Variants in JCAD observed in about 807,000 individuals in gnomAD.
JCAD encodes junctional cadherin 5 associated, also known as junctional cadherin 5-associated protein.
Under a neutral mutation model 98.0 loss-of-function variants are expected in JCAD, and 40 were observed. The observed-to-expected ratio is 0.41, with a 90% CI of 0.32 to 0.53. The LOEUF is 0.53. Among genes scored for constraint, JCAD ranks in the 20% least tolerant of loss-of-function variants. The pLI is 0.31. For synonymous variants in JCAD, 691 were observed against 682.3 expected, an observed-to-expected ratio of 1.01 and a Z score of -0.20; for missense variants, 1,705 against 1,738.1, an observed-to-expected ratio of 0.98 and a Z score of 0.34.
intron 1 of JCAD, among the ~76,000 whole-genome samples, chr10:30,107,568 G>C (rs1027149153): frequency 1.3e-5 from 2 of 152,164 alleles, no homozygotes; most frequent in African/African-American, 2.4e-5. Flanking sequence ...AAGAGGTAAC[G>C]ATAAGTACAA....
chr10:30,069,606 C>T (rs1490145258), intron 2 of JCAD: 1 of 129,640 alleles, frequency 7.7e-6, no homozygotes, highest in Non-Finnish European at 1.6e-5. Context: ...CAACAACCCC[C>T]CCCCCCAAAA....
intron 1 of JCAD, among the ~76,000 whole-genome samples, chr10:30,094,554 C>G (rs867913569): frequency 6.6e-6 from 1 of 152,158 alleles, no homozygotes; most frequent in African/African-American, 2.4e-5. Flanking sequence ...TCCCAGGTGC[C>G]GTGGGGCTGC....
intron 1 of JCAD, among the ~76,000 whole-genome samples, chr10:30,104,535 A>G (rs958980858): frequency 6.6e-6 from 1 of 152,222 alleles, no homozygotes; most frequent in African/African-American, 2.4e-5. Flanking sequence ...GCTCGTGGAC[A>G]TAAACATAGG....
chr10:30,106,722 A>G (rs1181310233), intron 1 of JCAD, among the ~76,000 whole-genome samples: 4 of 152,088 alleles, frequency 2.6e-5, no homozygotes, highest in African/African-American at 9.7e-5. Flanking sequence ...GCTGGTCTTG[A>G]ACTCCTGACC....
At chr10:30,066,281 C>T (rs1246640148) in intron 2 of JCAD, among the ~76,000 whole-genome samples, 1 of 152,138 alleles carries the variant, frequency 6.6e-6, no homozygotes, top group Non-Finnish European at 1.5e-5. Flanking sequence ...AATCCTATAC[C>T]TCCACTGTGA....
intron 1 of JCAD, among the ~76,000 whole-genome samples, chr10:30,088,795 C>T (rs1838208436): frequency 6.6e-6 from 1 of 151,984 alleles, no homozygotes; most frequent in Admixed American, 6.6e-5. Context: ...TTGTGAAACC[C>T]CATCTCTACT....
intron 1 of JCAD, among the ~76,000 whole-genome samples, chr10:30,052,640 G>A (rs1469365959): frequency 2.6e-5 from 4 of 152,206 alleles, no homozygotes; most frequent in Non-Finnish European, 5.9e-5. Flanking sequence ...CCATCCCAGA[G>A]TGCGGGTGCT....
chr10:30,024,242 G>C (rs1564439726), intron 3 of JCAD, among the ~76,000 whole-genome samples: 1 of 152,192 alleles, frequency 6.6e-6, no homozygotes, highest in African/African-American at 2.4e-5. Context: ...AACTGGTACT[G>C]TATTATAACA....
At chr10:30,113,830 T>A (rs925818798) in intron 1 of JCAD, among the ~76,000 whole-genome samples, 13 of 152,276 alleles carry the variant, frequency 8.5e-5, no homozygotes, top group South Asian at 2.1e-4. Context: ...TTGAACACCC[T>A]TTGGCACCCT....
intron 1 of JCAD, among the ~76,000 whole-genome samples, chr10:30,075,474 C>A (rs934765411): frequency 4.6e-5 from 7 of 152,134 alleles, no homozygotes; most frequent in African/African-American, 1.7e-4. Context: ...ACATTGGTAC[C>A]AATGATACAG....
chr10:30,114,130 C>G (rs1032804659), intron 1 of JCAD, among the ~76,000 whole-genome samples: 1 of 152,102 alleles, frequency 6.6e-6, no homozygotes, highest in Non-Finnish European at 1.5e-5. Context: ...TGACTTAGTT[C>G]CCCGTGCACA....
At chr10:30,083,000 C>G (rs570090935) in intron 1 of JCAD, among the ~76,000 whole-genome samples, 1 of 152,050 alleles carries the variant, frequency 6.6e-6, no homozygotes, top group East Asian at 1.9e-4. Context: ...CACCACTGCA[C>G]TCCAGCCTGG....
chr10:30,044,543 C>T (rs1291012284), intron 2 of JCAD, among the ~76,000 whole-genome samples: 2 of 152,144 alleles, frequency 1.3e-5, no homozygotes, highest in Non-Finnish European at 2.9e-5. Context: ...GGGAGGCCAG[C>T]CCAGCAGAGG....
At chr10:30,051,336 G>A (rs1238854114) in intron 1 of JCAD, among the ~76,000 whole-genome samples, 1 of 151,092 alleles carries the variant, frequency 6.6e-6, no homozygotes, top group East Asian at 1.9e-4. Context: ...TGGCTATAAT[G>A]TCTTGATGGC....
chr10:30,104,857 C>A (rs371175291), intron 1 of JCAD, among the ~76,000 whole-genome samples: 1 of 151,964 alleles, frequency 6.6e-6, no homozygotes, highest in Non-Finnish European at 1.5e-5. Flanking sequence ...GAGAGAAGAG[C>A]GGAGGGTTGG....
chr10:30,017,528 G>A lies in JCAD; in HGVS notation c.*355C>T. 1 of 354,064 alleles carries A rather than the reference G, an allele frequency of 2.8e-6. No homozygotes were observed. Among genetic ancestry groups the A allele is most frequent in the East Asian group, 7.4e-5 (1 of 13,572 alleles). 21.9% of individuals were successfully genotyped at this position (354,064 alleles called of 1,614,324 possible). On this transcript the variant is annotated 3_prime_UTR_variant, in exon 4 of 4. Transcript: ENST00000375377. ...ATTCACAGGCCTTTCCAAAGCATTT[G>A]CTAGATCTTCCACATTGAAATCTTC...
chr10:30,033,561 T>G (rs1837045931), intron 2 of JCAD, among the ~76,000 whole-genome samples: 1 of 152,224 alleles, frequency 6.6e-6, no homozygotes, highest in African/African-American at 2.4e-5. Flanking sequence ...TCCCCATAAC[T>G]TCTCACTACT....
intron 2 of JCAD, among the ~76,000 whole-genome samples, chr10:30,069,142 G>A (rs1382820262): frequency 6.6e-6 from 1 of 152,196 alleles, no homozygotes; most frequent in African/African-American, 2.4e-5. Flanking sequence ...CCTTTGGACA[G>A]GTAGATGAAA....
chr10:30,021,479 G>A (rs566883787), intron 3 of JCAD, among the ~76,000 whole-genome samples: 3 of 152,106 alleles, frequency 2.0e-5, no homozygotes, highest in Non-Finnish European at 2.9e-5. Context: ...ATCATGAGCC[G>A]CCATGCCCAA....
Sources: allele counts gnomAD v4.1 joint callset (sites outside exome capture counted in the v4.1 genomes callset), GRCh38; gene constraint gnomAD v4.1.1; transcripts MANE v1.5; gene names NCBI Gene and HGNC (gene_info 2026-07-23, HGNC 2026-07-21).